Variants in FAAP20 observed in about 807,000 individuals in gnomAD.
FAAP20 encodes the protein FA core complex associated protein 20, also known as Fanconi anemia core complex-associated protein 20.
Under a neutral mutation model 16.2 loss-of-function variants are expected in FAAP20, and 12 were observed. That is an observed-to-expected ratio of 0.74 (90% CI 0.48 to 1.20). The LOEUF (loss-of-function observed/expected upper bound fraction) is 1.20. Ranked by LOEUF, FAAP20 falls within the 50% of genes most tolerant of loss-of-function variation. The pLI, the probability that FAAP20 is intolerant of heterozygous loss-of-function variation, is 0.00. For missense variants in FAAP20, 288 were observed against 245.8 expected (o/e 1.17, Z -1.15); for synonymous variants, 141 against 110.7 (o/e 1.27, Z -1.72).
upstream of FAAP20, chr1:2,203,309 C>T: frequency 1.5e-6 from 1 of 663,214 alleles, no homozygotes; most frequent in Non-Finnish European, 1.9e-6. Flanking sequence ...CTTCTGCCGC[C>T]TTCTTCCCCC....
intron 3 of FAAP20, chr1:2,190,538 C>A: frequency 2.5e-6 from 1 of 398,390 alleles, no homozygotes; most frequent in Non-Finnish European, 5.1e-6. Flanking sequence ...ATGACCATCA[C>A]CAGGCCTGGC....
intron 3 of FAAP20, chr1:2,192,246 C>G (rs976836856): frequency 2.0e-6 from 2 of 986,126 alleles, no homozygotes; most frequent in African/African-American, 3.5e-5. Context: ...CCCAGCTAGC[C>G]TGCCCATGCG....
chr1:2,185,531 A>C, downstream of FAAP20: 1 of 714,964 alleles, frequency 1.4e-6, no homozygotes, highest in South Asian at 1.5e-5. Flanking sequence ...GACACACCGC[A>C]ATCAAGAATT....
chr1:2,186,468 T>G (rs1687601752), downstream of FAAP20, among the ~76,000 whole-genome samples: 1 of 137,228 alleles, frequency 7.3e-6, no homozygotes, highest in Non-Finnish European at 1.6e-5. Context: ...GCCGGCCCAT[T>G]CCCCCCGGCC....
chr1:2,199,015 G>A, upstream of FAAP20: 1 of 1,255,972 alleles, frequency 8.0e-7, no homozygotes, highest in Non-Finnish European at 1.0e-6. The surrounding 1 kb of genome is among the most constrained non-coding windows in gnomAD (Gnocchi z 4.5). Context: ...GGTGTGCCTT[G>A]GTGCCCTTGG....
downstream of FAAP20, among the ~76,000 whole-genome samples, chr1:2,188,932 G>C (rs1245549722): frequency 6.6e-6 from 1 of 150,822 alleles, no homozygotes; most frequent in Non-Finnish European, 1.5e-5. Context: ...GTGAACCCGG[G>C]AGGCGGAGCT....
downstream of FAAP20, among the ~76,000 whole-genome samples, chr1:2,208,911 G>A (rs1470784116): frequency 6.6e-6 from 1 of 152,230 alleles, no homozygotes; most frequent in Non-Finnish European, 1.5e-5. Context: ...TTCCCAGCAG[G>A]GAAGTGGAGG....
downstream of FAAP20, among the ~76,000 whole-genome samples, chr1:2,208,942 A>G (rs533781102): frequency 2.0e-5 from 3 of 152,322 alleles, no homozygotes; most frequent in South Asian, 4.1e-4. Flanking sequence ...CATGGGCTCA[A>G]GCACCTCAGG....
Position 2,194,703 on chromosome 1 carries a change from G to T in FAAP20, c.47C>A (p.Pro16Gln), listed in dbSNP as rs1438985575. The change falls in exon 1 of 4, where the codon CCG becomes CAG. Residue 16 changes from proline (P) to glutamine (Q), a missense_variant. Coordinates refer to ENST00000378546, the MANE Select transcript of FAAP20 (RefSeq NM_182533.4). ...CCGGCCTCACCCGCCCGCCGGGCGC[G>T]GCCTCCGGCGGCTCAACCCCAGCCG... ...RPRLGLSRRRPRPAGGPSGGR... is the reference protein window; with the variant it reads ...RPRLGLSRRRQRPAGGPSGGR... 2 of 1,170,146 alleles carry T rather than the reference G, an allele frequency of 1.7e-6. No individual in the cohort carries two copies. The highest frequency in any genetic ancestry group is 4.1e-5 in the South Asian group (1 of 24,306). The allele number at this position is 1,170,146 out of a possible 1,614,324, so 72.5% of individuals were successfully genotyped here.
In FAAP20 at chr1:2,193,869, G is replaced by C; in HGVS notation, c.240C>G (p.Val80=). 1.2e-6 allele frequency: 2 copies of C among 1,612,478 alleles called. No homozygotes were observed. Among genetic ancestry groups the C allele is most frequent in the Non-Finnish European group, 1.7e-6 (2 of 1,179,844 alleles). The change falls in exon 3 of 4, where the codon GTC becomes GTG. Residue 80 remains valine, a synonymous_variant. Coordinates refer to ENST00000378546, the MANE Select transcript of FAAP20 (RefSeq NM_182533.4). ...GTGTCCAGGAAAAGGTCTTGGGTCC[G>C]ACAGTGAAGACTTCAGTGGGCTCCG... The part of the protein sequence containing the change: ...CGPEPTEVFT[V]GPKTFSWTPF...
At chr1:2,210,378 G>A (rs926907676), downstream of FAAP20, among the ~76,000 whole-genome samples, 1 of 152,188 alleles carries the variant, frequency 6.6e-6, no homozygotes, top group African/African-American at 2.4e-5. Context: ...CCTTCACCCA[G>A]CCTGTGCTGA....
chr1:2,199,537 G>C (rs1688964320), upstream of FAAP20: 7 of 985,982 alleles, frequency 7.1e-6, no homozygotes, highest in Non-Finnish European at 7.2e-6. This position sits in a 1 kb window ranked among gnomAD's most constrained non-coding sequence, Gnocchi z 4.5. Flanking sequence ...CAGAGTGCGC[G>C]GCACCAAGGA....
chr1:2,190,107 C>G (rs1404114329), intron 3 of FAAP20: 1 of 542,048 alleles, frequency 1.8e-6, no homozygotes, highest in Admixed American at 2.2e-5. Flanking sequence ...GCCCGGCAGA[C>G]AGGCGGCCTG....
chr1:2,186,474 C>T (rs570763766), downstream of FAAP20, among the ~76,000 whole-genome samples: 146 of 150,066 alleles, frequency 9.7e-4, 1 homozygote, highest in African/African-American at 3.4e-3. Context: ...CCATTCCCCC[C>T]GGCCCGAGAC....
Position 2,193,987 on chromosome 1 carries a change from A to C in FAAP20, c.198+11T>G. On this transcript the variant is annotated intron_variant, in intron 2 of 3. Coordinates refer to ENST00000378546, the MANE Select transcript of FAAP20 (RefSeq NM_182533.4). ...ACCCCTTCATCGCTAAGATGGGCCC[A>C]GTGGGCACACCTGTCCTGGGAAGGC... 1 of 1,612,664 alleles carries C rather than the reference A, an allele frequency of 6.2e-7. No homozygotes were observed. The highest frequency in any genetic ancestry group is 8.5e-7 in the Non-Finnish European group (1 of 1,179,862).
At chr1:2,200,533 A>G, upstream of FAAP20, 1 of 741,634 alleles carries the variant, frequency 1.3e-6, no homozygotes, top group Non-Finnish European at 1.6e-6. Flanking sequence ...AGCCACCCAG[A>G]GCCTTTAGGC....
chr1:2,198,228 A>G, upstream of FAAP20: 1 of 1,205,032 alleles, frequency 8.3e-7, no homozygotes, highest in Non-Finnish European at 1.1e-6. Flanking sequence ...TGTTTACAAA[A>G]GAACGTTTCA....
At chr1:2,188,026 A>G (rs930468588), downstream of FAAP20, among the ~76,000 whole-genome samples, 2 of 152,070 alleles carry the variant, frequency 1.3e-5, no homozygotes, top group Non-Finnish European at 2.9e-5. Context: ...TCCCTTAGTG[A>G]TCTGCATTTA....
chr1:2,203,787 C>G (rs1689136740), upstream of FAAP20: 1 of 321,326 alleles, frequency 3.1e-6, no homozygotes, highest in Non-Finnish European at 4.5e-6. Context: ...TCACCCCACA[C>G]CCAGCCCTGT....
Sources: allele counts gnomAD v4.1 joint callset (sites outside exome capture counted in the v4.1 genomes callset), GRCh38; gene constraint gnomAD v4.1.1; non-coding constraint Gnocchi (gnomAD v3.1); transcripts MANE v1.5; gene names NCBI Gene and HGNC (gene_info 2026-07-23, HGNC 2026-07-21).